LRMDA: variants seen among roughly 807,000 people sequenced by gnomAD.
LRMDA encodes the protein leucine-rich melanocyte differentiation-associated protein.
Under a neutral mutation model 29.8 loss-of-function variants are expected in LRMDA, and 18 were observed. That is an observed-to-expected ratio of 0.60 (90% CI 0.42 to 0.90). The LOEUF (loss-of-function observed/expected upper bound fraction) is 0.90. Ranked by LOEUF, LRMDA falls within the 40% of genes least tolerant of loss-of-function variation. The probability of loss-of-function intolerance (pLI) is 0.00; values close to 1 mark genes in which losing one functional copy is unlikely to be tolerated. For missense variants in LRMDA, 273 were observed against 273.9 expected (o/e 1.00, Z 0.02); for synonymous variants, 125 against 109.4 (o/e 1.14, Z -0.89).
intron 5 of LRMDA, among the ~76,000 whole-genome samples, chr10:76,258,584 C>A (rs936840730): frequency 6.6e-6 from 1 of 152,050 alleles, no homozygotes; most frequent in South Asian, 2.1e-4. Context: ...AATTTTTCAT[C>A]CTTTAACAAA....
chr10:75,779,253 T>A (rs191478261), intron 2 of LRMDA, among the ~76,000 whole-genome samples: 1 of 152,310 alleles, frequency 6.6e-6, no homozygotes, highest in African/African-American at 2.4e-5. Context: ...AAAACATTTA[T>A]ATTTGACCCC....
intron 2 of LRMDA, among the ~76,000 whole-genome samples, chr10:75,659,010 G>T (rs1841714501): frequency 6.6e-6 from 1 of 152,166 alleles, no homozygotes; most frequent in Non-Finnish European, 1.5e-5. Context: ...AGCTTGATGG[G>T]CCTGGCCCCA....
At chr10:75,637,319 T>C (rs1841400943) in intron 2 of LRMDA, among the ~76,000 whole-genome samples, 1 of 152,194 alleles carries the variant, frequency 6.6e-6, no homozygotes, top group African/African-American at 2.4e-5. Flanking sequence ...TCAAGGAAAG[T>C]TGTGCTGTTG....
At chr10:76,118,623 C>T (rs1849706696) in intron 5 of LRMDA, among the ~76,000 whole-genome samples, 2 of 152,116 alleles carry the variant, frequency 1.3e-5, no homozygotes, top group Non-Finnish European at 2.9e-5. Context: ...GTGCAGGAGA[C>T]ATTCATTTAT....
rs1160178913 is a variant in LRMDA, at chr10:75,839,700, CTTTTTTT to C, written c.132-196288_132-196282del. On this transcript the variant is annotated intron_variant, in intron 2 of 6. Transcript: ENST00000611255. ...TACTCCTTAGGATGCATCCGACTTT[CTTTTTTT>C]TTTTTTTTTTTTTTTTTTTGAGACA... Among the ~76,000 whole-genome samples, 236 of 82,770 alleles carry C rather than the reference CTTTTTTT, an allele frequency of 2.9e-3. 1 individual carries two copies. The highest frequency in any genetic ancestry group is 0.023 in the Middle Eastern group (3 of 132). The allele number at this position is 82,770 out of a possible 152,430, so 54.3% of individuals were successfully genotyped here.
chr10:75,907,385 A>G (rs1432501148), intron 2 of LRMDA, among the ~76,000 whole-genome samples: 1 of 152,162 alleles, frequency 6.6e-6, no homozygotes, highest in Non-Finnish European at 1.5e-5. Context: ...CTCGTTAATT[A>G]TGTTTCCTTT....
At chr10:76,096,377 G>A (rs913424428) in intron 5 of LRMDA, among the ~76,000 whole-genome samples, 4 of 151,810 alleles carry the variant, frequency 2.6e-5, no homozygotes, top group Non-Finnish European at 5.9e-5. Context: ...TGTTGAAAAG[G>A]CCTGCCTTTC....
intron 2 of LRMDA, among the ~76,000 whole-genome samples, chr10:75,797,491 C>T (rs1843672684): frequency 6.6e-6 from 1 of 152,124 alleles, no homozygotes; most frequent in South Asian, 2.1e-4. Flanking sequence ...TTACCACAAT[C>T]CAATATTAGA....
intron 5 of LRMDA, among the ~76,000 whole-genome samples, chr10:76,183,044 C>G (rs1851082519): frequency 6.6e-6 from 1 of 152,124 alleles, no homozygotes; most frequent in South Asian, 2.1e-4. Flanking sequence ...AATATGGACC[C>G]AAAAGAGGAC....
intron 5 of LRMDA, among the ~76,000 whole-genome samples, chr10:76,266,899 G>C (rs879625823): frequency 7.2e-5 from 11 of 152,144 alleles, no homozygotes; most frequent in Non-Finnish European, 1.6e-4. Flanking sequence ...TGATTCCGGA[G>C]AACATTCAAT....
chr10:76,227,644 A>G lies in LRMDA; in HGVS notation c.517-96757A>G, dbSNP rs140912237. Among the ~76,000 whole-genome samples the G allele has an allele frequency of 3.1e-3, 469 of 152,344 alleles. 4 individuals are homozygous for G. Among genetic ancestry groups the G allele is most frequent in the African/African-American group, 0.011 (447 of 41,576 alleles). ...TCAACTGAATTTCCCCTTTGATATTATCCCCAAGGAAGAGTAACTACATTA... is the reference window on the plus strand; with the variant it reads ...TCAACTGAATTTCCCCTTTGATATTGTCCCCAAGGAAGAGTAACTACATTA... On this transcript the variant is annotated intron_variant, in intron 5 of 6. Coordinates refer to ENST00000611255, the MANE Select transcript of LRMDA (RefSeq NM_001305581.2).
intron 2 of LRMDA, among the ~76,000 whole-genome samples, chr10:75,883,685 A>G (rs1845331491): frequency 6.6e-6 from 1 of 152,064 alleles, no homozygotes; most frequent in Admixed American, 6.5e-5. Flanking sequence ...GGTATGTGTC[A>G]GGCAGAGCCG....
intron 4 of LRMDA, among the ~76,000 whole-genome samples, chr10:76,054,080 T>A (rs190230883): frequency 5.3e-5 from 8 of 152,330 alleles, no homozygotes; most frequent in Admixed American, 5.2e-4. Context: ...TCTCCTCATG[T>A]TGGTACTTGA....
chr10:76,223,209 A>G (rs982661481), intron 5 of LRMDA, among the ~76,000 whole-genome samples: 2 of 152,066 alleles, frequency 1.3e-5, no homozygotes, highest in African/African-American at 2.4e-5. Context: ...TGGCACATGT[A>G]TACATATGTA....
intron 2 of LRMDA, among the ~76,000 whole-genome samples, chr10:75,807,406 G>A (rs1399278282): frequency 6.6e-5 from 10 of 152,340 alleles, no homozygotes; most frequent in African/African-American, 2.2e-4. Context: ...TCGCCTAGCC[G>A]TTGGCAAAGG....
chr10:76,314,769 C>T (rs1564720980), intron 5 of LRMDA, among the ~76,000 whole-genome samples: 2 of 152,156 alleles, frequency 1.3e-5, no homozygotes, highest in Non-Finnish European at 1.5e-5. Flanking sequence ...TTCTTGTAAG[C>T]CAGTACAGGT....
chr10:75,635,577 A>G (rs1439032041), intron 2 of LRMDA, among the ~76,000 whole-genome samples: 1 of 152,188 alleles, frequency 6.6e-6, no homozygotes, highest in Non-Finnish European at 1.5e-5. Context: ...ACCATCACCC[A>G]CAAGGGAAAG....
chr10:76,478,367 G>A (rs1842699961), intron 6 of LRMDA, among the ~76,000 whole-genome samples: 1 of 152,072 alleles, frequency 6.6e-6, no homozygotes, highest in African/African-American at 2.4e-5. Context: ...ACACCAGTTC[G>A]AATGTCGATC....
intron 6 of LRMDA, among the ~76,000 whole-genome samples, chr10:76,343,813 A>ATTT (rs5786231): frequency 3.1e-4 from 39 of 126,626 alleles, no homozygotes; most frequent in South Asian, 5.2e-4. Context: ...TTTACAGGTG[A>ATTT]TTTTTTTTTT....
Sources: gnomAD v4.1 joint callset for allele counts (sites outside exome capture counted in the v4.1 genomes callset) on GRCh38, gnomAD v4.1.1 for gene constraint, MANE v1.5 for transcripts, NCBI Gene and HGNC (gene_info 2026-07-23, HGNC 2026-07-21) for gene names.